Variants in ZNF804B observed in about 807,000 individuals in gnomAD.
ZNF804B encodes zinc finger 804B.
Under a neutral mutation model 101.4 loss-of-function variants are expected in ZNF804B, and 80 were observed. The ratio of observed to expected loss-of-function variants is 0.79; its 90% CI spans 0.66 to 0.95. The LOEUF is 0.95. Ranked by LOEUF, ZNF804B falls within the 40% of genes least tolerant of loss-of-function variation. ZNF804B has a pLI of 0.00. For missense variants in ZNF804B, 1,673 were observed against 1,561.9 expected (o/e 1.07, Z -1.20); for synonymous variants, 622 against 558.8 (o/e 1.11, Z -1.59).
At chr7:89,205,149 A>G (rs1584052652) in intron 1 of ZNF804B, among the ~76,000 whole-genome samples, 2 of 152,122 alleles carry the variant, frequency 1.3e-5, no homozygotes, top group East Asian at 3.9e-4. Context: ...CGAGAACAGC[A>G]CAGGAAAAAC....
intron 1 of ZNF804B, among the ~76,000 whole-genome samples, chr7:89,173,196 A>T (rs1258480370): frequency 1.3e-5 from 2 of 152,138 alleles, no homozygotes; most frequent in African/African-American, 4.8e-5. Flanking sequence ...TTATAAAGTT[A>T]GATTCAACAT....
intron 1 of ZNF804B, among the ~76,000 whole-genome samples, chr7:88,897,779 G>C (rs1423348864): frequency 6.6e-6 from 1 of 152,112 alleles, no homozygotes; most frequent in Non-Finnish European, 1.5e-5. Context: ...GATTAGTGCA[G>C]TGGTCCTGGA....
At chr7:88,840,046 T>C (rs10279183) in intron 1 of ZNF804B, among the ~76,000 whole-genome samples, 71,456 of 151,954 alleles carry the variant, frequency 0.47, 19,279 homozygotes, top group African/African-American at 0.74. Flanking sequence ...ATGGAAGATG[T>C]CAAAGAATTT....
rs1022425515 is a variant in ZNF804B, at chr7:88,968,786, G to T, written c.108+208702G>T. Among the ~76,000 whole-genome samples the T allele has an allele frequency of 5.5e-4, 84 of 151,736 alleles. 1 individual carries two copies. The highest frequency in any genetic ancestry group is 3.7e-4 in the Non-Finnish European group (25 of 67,730). ...GCCTCCTTATCAAGAGTTATAAAAAGAAGTACTGTGCTACCTCAGGTAGTT... is the reference window on the plus strand; with the variant it reads ...GCCTCCTTATCAAGAGTTATAAAAATAAGTACTGTGCTACCTCAGGTAGTT... On this transcript the variant is annotated intron_variant, in intron 1 of 3. Transcript: ENST00000333190.
intron 1 of ZNF804B, among the ~76,000 whole-genome samples, chr7:88,781,151 GC>G (rs1165107868): frequency 6.6e-6 from 1 of 152,142 alleles, no homozygotes; most frequent in Non-Finnish European, 1.5e-5. Flanking sequence ...TGTATATTAA[GC>G]CATTTAATTG....
Position 89,327,422 on chromosome 7 carries a change from A to G in ZNF804B, c.328A>G (p.Lys110Glu), listed in dbSNP as rs1156708477. The G allele has an allele frequency of 1.2e-6, 2 of 1,611,772 alleles. No individual in the cohort carries two copies. The highest frequency in any genetic ancestry group is 1.7e-6 in the Non-Finnish European group (2 of 1,178,682). Residue 110 changes from lysine to glutamate, a missense_variant, in exon 3 of 4, where the codon AAA (lysine) becomes GAA (glutamate). Transcript: ENST00000333190. Reference sequence around the variant, plus strand: ...ATGGAAAGATGAGAAAAAACAAGAAAAAGCACTTAAACGACTTCATCAGCT... The same window carrying G: ...ATGGAAAGATGAGAAAAAACAAGAAGAAGCACTTAAACGACTTCATCAGCT... ...KSWKDEKKQE[K>E]ALKRLHQLAE...
At chr7:89,009,661 AAAGAGATCCCT>A (rs1174010285) in intron 1 of ZNF804B, among the ~76,000 whole-genome samples, 53 of 152,308 alleles carry the variant, frequency 3.5e-4, no homozygotes, top group African/African-American at 1.2e-3. Context: ...AAGAGGCCTC[AAAGAGATCCCT>A]AATCTCTTCC....
intron 1 of ZNF804B, among the ~76,000 whole-genome samples, chr7:88,796,263 CCT>C (rs777211665): frequency 4.6e-5 from 7 of 151,724 alleles, no homozygotes; most frequent in Non-Finnish European, 7.4e-5. Flanking sequence ...TAATTTTTTC[CCT>C]GAGTTCTGTA....
At chr7:89,046,709 A>G (rs1371042291) in intron 1 of ZNF804B, among the ~76,000 whole-genome samples, 1 of 152,120 alleles carries the variant, frequency 6.6e-6, no homozygotes, top group Non-Finnish European at 1.5e-5. Flanking sequence ...TTCCAATTCA[A>G]AAAAAGGAAG....
chr7:88,898,535 C>T (rs1301705191), intron 1 of ZNF804B, among the ~76,000 whole-genome samples: 1 of 151,988 alleles, frequency 6.6e-6, no homozygotes. Context: ...AAATTCTTCA[C>T]TTGGAATCCA....
At chr7:88,783,725 A>T (rs1446918598) in intron 1 of ZNF804B, among the ~76,000 whole-genome samples, 3 of 152,130 alleles carry the variant, frequency 2.0e-5, no homozygotes, top group Admixed American at 1.3e-4. Flanking sequence ...TGCATCTTCC[A>T]TCCTAAAAAA....
chr7:89,298,096 G>A lies in ZNF804B; in HGVS notation c.250-29248G>A, dbSNP rs192232265. Among the ~76,000 whole-genome samples, 300 of 139,040 alleles carry A rather than the reference G, an allele frequency of 2.2e-3. 3 individuals are homozygous for A. Among genetic ancestry groups the A allele is most frequent in the African/African-American group, 7.7e-3 (289 of 37,548 alleles). 91.2% of individuals were successfully genotyped at this position (139,040 alleles called of 152,430 possible). A position where few individuals can be genotyped will look rare whatever the true frequency, so the allele number is the denominator to read the frequency against. On this transcript the variant is annotated intron_variant, in intron 2 of 3. Transcript: ENST00000333190. ...CCATTCAGTGAACTACACATATTTA[G>A]AGAGTTGACAAAGGCCTCTATTTCA...
intron 1 of ZNF804B, among the ~76,000 whole-genome samples, chr7:88,927,555 T>C (rs946013683): frequency 6.6e-6 from 1 of 152,130 alleles, no homozygotes; most frequent in Non-Finnish European, 1.5e-5. Flanking sequence ...AATTGCCTTA[T>C]CCCTGTCCTT....
rs555838173 is a variant in ZNF804B, at chr7:88,902,729, T to G, written c.108+142645T>G. On this transcript the variant is annotated intron_variant, in intron 1 of 3. Coordinates refer to ENST00000333190, the MANE Select transcript of ZNF804B (RefSeq NM_181646.5). ...AAAGTAAATATATTTAAATACACTATGTTATAAATGAAAGTTTATTTAAAT... is the reference window on the plus strand; with the variant it reads ...AAAGTAAATATATTTAAATACACTAGGTTATAAATGAAAGTTTATTTAAAT... Among the ~76,000 whole-genome samples, 10 of 152,200 alleles carry G rather than the reference T, an allele frequency of 6.6e-5. No individual in the cohort carries two copies. The South Asian group carries it at 2.1e-3, about 31-fold the overall frequency.
chr7:89,132,615 A>G (rs1278752778), intron 1 of ZNF804B, among the ~76,000 whole-genome samples: 1 of 151,998 alleles, frequency 6.6e-6, no homozygotes, highest in Non-Finnish European at 1.5e-5. Flanking sequence ...AAACTATCAT[A>G]TCAATTTTTT....
intron 1 of ZNF804B, among the ~76,000 whole-genome samples, chr7:88,802,871 A>T (rs1175197604): frequency 1.3e-5 from 2 of 152,168 alleles, no homozygotes; most frequent in Non-Finnish European, 2.9e-5. Flanking sequence ...TATGCAGGCA[A>T]AGTGGATTTT....
chr7:89,007,319 C>G (rs189381430), intron 1 of ZNF804B, among the ~76,000 whole-genome samples: 7 of 150,664 alleles, frequency 4.6e-5, no homozygotes, highest in Non-Finnish European at 8.9e-5. Flanking sequence ...TCTCGTTAAG[C>G]TAGTTTATGT....
chr7:88,904,437 C>G (rs1584007984), intron 1 of ZNF804B, among the ~76,000 whole-genome samples: 1 of 152,118 alleles, frequency 6.6e-6, no homozygotes. Context: ...GCTATTCAGG[C>G]CTTTTTTGGT....
rs1790170567 is a variant in ZNF804B at position 88,777,997 on chromosome 7, A to G, written c.108+17913A>G. ...TTTATATTCAACTCACACCTCATGT[A>G]TTAGTTTCCCACTGCTACTGTAATG... On this transcript the variant is annotated intron_variant, in intron 1 of 3. Transcript: ENST00000333190. 2.0e-5 allele frequency among the ~76,000 whole-genome samples: 3 copies of G among 152,166 alleles called. No individual in the cohort carries two copies. The South Asian group carries it at 6.2e-4, about 32-fold the overall frequency.
Sources: allele counts gnomAD v4.1 joint callset (sites outside exome capture counted in the v4.1 genomes callset), GRCh38; gene constraint gnomAD v4.1.1; transcripts MANE v1.5; gene names NCBI Gene and HGNC (gene_info 2026-07-23, HGNC 2026-07-21).